Variants in CDH4 observed in about 807,000 individuals in gnomAD.
CDH4 encodes cadherin-4.
In CDH4, 33 loss-of-function variants were observed where a neutral mutation model predicts 86.0. That is an observed-to-expected ratio of 0.38 (90% CI 0.29 to 0.51). CDH4 has a LOEUF of 0.51. CDH4 is among the 20% of genes least tolerant of loss of function. The pLI is 0.86. For missense variants in CDH4, 1,114 were observed against 1,307.4 expected (o/e 0.85, Z 2.28); for synonymous variants, 555 against 549.4 (o/e 1.01, Z -0.14).
rs150861317 is a variant in CDH4 at position 61,441,126 on chromosome 20, G to A, written c.169+186189G>A. Among the ~76,000 whole-genome samples, 20 of 152,274 alleles carry A rather than the reference G, an allele frequency of 1.3e-4. 1 individual carries two copies. The highest frequency in any genetic ancestry group is 3.9e-4 in the African/African-American group (16 of 41,554). ...GAGTTCCAAGCGTGTGCTATGTGGCGAGCTTTCCCACAGGTCACGCAGAAT... is the reference window on the plus strand; with the variant it reads ...GAGTTCCAAGCGTGTGCTATGTGGCAAGCTTTCCCACAGGTCACGCAGAAT... On this transcript the variant is annotated intron_variant, in intron 2 of 15. Coordinates refer to ENST00000614565, the MANE Select transcript of CDH4 (RefSeq NM_001794.5).
At chr20:61,759,092 G>A (rs770575927) in intron 3 of CDH4, among the ~76,000 whole-genome samples, 14 of 152,146 alleles carry the variant, frequency 9.2e-5, no homozygotes, top group Admixed American at 2.0e-4. Flanking sequence ...GCATGTGTGC[G>A]CACACACGTC....
intron 2 of CDH4, among the ~76,000 whole-genome samples, chr20:61,512,887 G>A (rs1441461642): frequency 6.6e-6 from 1 of 152,256 alleles, no homozygotes; most frequent in African/African-American, 2.4e-5. Flanking sequence ...ATTTGTGATT[G>A]AGCTTGTTCA....
intron 2 of CDH4, among the ~76,000 whole-genome samples, chr20:61,680,401 G>A (rs1451203140): frequency 3.9e-5 from 6 of 152,216 alleles, no homozygotes; most frequent in Non-Finnish European, 8.8e-5. Context: ...TTGCCCCAAG[G>A]TCCCTGGCCA....
chr20:61,264,949 C>T (rs1381163364), intron 2 of CDH4, among the ~76,000 whole-genome samples: 1 of 147,450 alleles, frequency 6.8e-6, no homozygotes, highest in Non-Finnish European at 1.5e-5. Context: ...CAGTCCTACA[C>T]ATACCCCAGT....
In CDH4 at chr20:61,708,492, C is replaced by A. The variant is rs541140213; in HGVS notation, c.170-35071C>A. Reference sequence around the variant, plus strand: ...GCTATGGAGAAACCCAATCCAGGCCCCGGGCTCCCAGTTTGACACCCGGCC... The same window carrying A: ...GCTATGGAGAAACCCAATCCAGGCCACGGGCTCCCAGTTTGACACCCGGCC... On this transcript the variant is annotated intron_variant, in intron 2 of 15. Coordinates refer to ENST00000614565, the MANE Select transcript of CDH4 (RefSeq NM_001794.5). This position sits in a 1 kb window ranked among gnomAD's most constrained non-coding sequence, Gnocchi z 4.5. Among the ~76,000 whole-genome samples, 1 of 152,170 alleles carries A rather than the reference C, an allele frequency of 6.6e-6. No individual in the cohort carries two copies. The highest frequency in any genetic ancestry group is 6.5e-5 in the Admixed American group (1 of 15,284).
intron 12 of CDH4, 108 bp downstream of exon 12, chr20:61,928,531 T>A: frequency 2.2e-6 from 2 of 896,916 alleles, no homozygotes; most frequent in Non-Finnish European, 3.5e-6. Context: ...GTGACAGTCC[T>A]CCAACAGGAC....
In CDH4 at chr20:61,510,114, T is replaced by C. The variant is rs374280988; in HGVS notation, c.170-233449T>C. On this transcript the variant is annotated intron_variant, in intron 2 of 15. Transcript: ENST00000614565. This position sits in a 1 kb window ranked among gnomAD's most constrained non-coding sequence, Gnocchi z 4.2. ...ATGTAACTCTGTGAGTGTTTTCCAG[T>C]GGAGTGTTATTCATTTAAAGTTGTT... Among the ~76,000 whole-genome samples, 5 of 152,230 alleles carry C rather than the reference T, an allele frequency of 3.3e-5. No individual in the cohort carries two copies. Among genetic ancestry groups the C allele is most frequent in the African/African-American group, 1.2e-4 (5 of 41,454 alleles).
chr20:61,305,841 T>C (rs1345475006), intron 2 of CDH4, among the ~76,000 whole-genome samples: 2 of 152,250 alleles, frequency 1.3e-5, no homozygotes, highest in African/African-American at 4.8e-5. Flanking sequence ...CAGAGATAAC[T>C]GAAAATATGA....
chr20:61,727,135 A>G (rs2088124216), intron 2 of CDH4, among the ~76,000 whole-genome samples: 1 of 151,688 alleles, frequency 6.6e-6, no homozygotes, highest in Non-Finnish European at 1.5e-5. Context: ...CATCACCATC[A>G]GAGCCATCAT....
intron 2 of CDH4, among the ~76,000 whole-genome samples, chr20:61,348,630 G>T (rs1342982801): frequency 6.6e-6 from 1 of 152,180 alleles, no homozygotes; most frequent in Non-Finnish European, 1.5e-5. Context: ...ATCAGTTTAT[G>T]TATCATGATA....
At chr20:61,438,378 G>A (rs1021809190) in intron 2 of CDH4, among the ~76,000 whole-genome samples, 5 of 152,158 alleles carry the variant, frequency 3.3e-5, no homozygotes, top group Non-Finnish European at 5.9e-5. Context: ...AGAAGCTGGG[G>A]AAATCTTTCT....
chr20:61,457,311 A>G (rs11697383), intron 2 of CDH4, among the ~76,000 whole-genome samples: 5,682 of 152,266 alleles, frequency 0.037, 154 homozygotes, highest in Middle Eastern at 0.065. Flanking sequence ...CTGTGGAGCA[A>G]AAGGGTGGCT....
At chr20:61,476,630 C>A (rs1292108286) in intron 2 of CDH4, among the ~76,000 whole-genome samples, 1 of 152,228 alleles carries the variant, frequency 6.6e-6, no homozygotes, top group African/African-American at 2.4e-5. Flanking sequence ...CAGAGCTGCT[C>A]GCCCCACCTT....
chr20:61,492,519 G>A lies in CDH4; in HGVS notation c.169+237582G>A, dbSNP rs549711029. ...TGGTGTCATTGTTGATGTTGATGGC[G>A]GTACTGATGTTCCTGATGCTGATGA... On this transcript the variant is annotated intron_variant, in intron 2 of 15. Coordinates refer to ENST00000614565, the MANE Select transcript of CDH4 (RefSeq NM_001794.5). 3.2e-4 allele frequency among the ~76,000 whole-genome samples: 49 copies of A among 152,288 alleles called. No individual in the cohort carries two copies. The East Asian group carries it at 6.4e-3, about 20-fold the overall frequency.
chr20:61,849,055 C>T (rs892169567), intron 5 of CDH4, among the ~76,000 whole-genome samples: 68 of 152,226 alleles, frequency 4.5e-4, no homozygotes, highest in African/African-American at 1.5e-3. Context: ...GCCTTCTCAC[C>T]CCTTCAGGGA....
chr20:61,337,989 T>C (rs1269689530), intron 2 of CDH4, among the ~76,000 whole-genome samples: 2 of 152,144 alleles, frequency 1.3e-5, no homozygotes, highest in Non-Finnish European at 1.5e-5. Context: ...ACTGGGAAGA[T>C]ATCCAAGGAC....
chr20:61,936,239 C>A, intron 15 of CDH4, among the ~76,000 whole-genome samples: 1 of 150,490 alleles, frequency 6.6e-6, no homozygotes, highest in Non-Finnish European at 1.5e-5. Flanking sequence ...GCCACATGGC[C>A]CAGCCCTCAC....
intron 8 of CDH4, 136 bp from the exon 9 acceptor site, chr20:61,910,286 G>C: frequency 1.4e-6 from 1 of 735,624 alleles, no homozygotes; most frequent in African/African-American, 1.7e-5. Context: ...TGTTCTGTTT[G>C]TGAACACTCG....
At chr20:61,383,781 A>ATG (rs1257571220) in intron 2 of CDH4, among the ~76,000 whole-genome samples, 3 of 77,818 alleles carry the variant, frequency 3.9e-5, no homozygotes, top group South Asian at 3.6e-4. Context: ...ATATGCATAT[A>ATG]TATGAAGATA....
Sources: allele counts gnomAD v4.1 joint callset (sites outside exome capture counted in the v4.1 genomes callset), GRCh38; gene constraint gnomAD v4.1.1; non-coding constraint Gnocchi (gnomAD v3.1); transcripts MANE v1.5; gene names NCBI Gene and HGNC (gene_info 2026-07-23, HGNC 2026-07-21).